Variants in SYT12 observed in about 807,000 individuals in gnomAD.
The protein encoded by SYT12 is synaptotagmin 12.
In SYT12, 27 loss-of-function variants were observed where a neutral mutation model predicts 39.5. The observed-to-expected ratio is 0.68, with a 90% CI of 0.50 to 0.94. The LOEUF is 0.94. Ranked by LOEUF, SYT12 falls within the 40% of genes least tolerant of loss-of-function variation. SYT12 has a pLI of 0.00. For missense variants in SYT12, 536 were observed against 572.6 expected (o/e 0.94, Z 0.65); for synonymous variants, 233 against 239.7 (o/e 0.97, Z 0.26).
intron 1 of SYT12, among the ~76,000 whole-genome samples, chr11:67,008,861 C>G (rs1039717482): frequency 2.6e-5 from 4 of 151,468 alleles, no homozygotes; most frequent in African/African-American, 4.9e-5. Flanking sequence ...TTCTTAACCT[C>G]TCTGTACCTC....
Position 67,013,876 on chromosome 11 carries a change from G to A in SYT12, c.-69+2882G>A, listed in dbSNP as rs574095641. On this transcript the variant is annotated intron_variant, in intron 3 of 10. Coordinates refer to the SYT12 transcript ENST00000393946. ...CTGGAGGCCAGAGCCCAGAATCAAG[G>A]TGTTGGCAGGGCTGGTTCCCTCCAG... is the stretch of plus-strand genomic sequence containing the variant. Among the ~76,000 whole-genome samples, 3 of 152,316 alleles carry A rather than the reference G, an allele frequency of 2.0e-5. No homozygotes were observed. The South Asian group carries it at 6.2e-4, about 32-fold the overall frequency.
intron 3 of SYT12, among the ~76,000 whole-genome samples, chr11:67,017,033 C>T (rs1468979291): frequency 6.6e-6 from 1 of 152,224 alleles, no homozygotes; most frequent in Non-Finnish European, 1.5e-5. Flanking sequence ...CTGCAGCTCT[C>T]ATTTGCTGAT....
intron 6 of SYT12, among the ~76,000 whole-genome samples, chr11:67,045,177 C>T (rs1287369410): frequency 1.3e-5 from 2 of 151,882 alleles, no homozygotes; most frequent in Non-Finnish European, 2.9e-5. Context: ...TGCAGGAGTC[C>T]CCAGTCCCTC....
At chr11:67,035,311 T>G (rs1332444301) in intron 3 of SYT12, among the ~76,000 whole-genome samples, 1 of 150,926 alleles carries the variant, frequency 6.6e-6, no homozygotes, top group Admixed American at 6.6e-5. Context: ...GCTTTTTAAC[T>G]GCTAACGTTT....
In SYT12 at chr11:67,048,916, A is replaced by C; in HGVS notation, c.*159A>C. Reference sequence around the variant, plus strand: ...CTGGTCTCTCTGTCCAGATTGCAGCAGAGGAGTGGGCGTGGCTCTGTGTCC... The same window carrying C: ...CTGGTCTCTCTGTCCAGATTGCAGCCGAGGAGTGGGCGTGGCTCTGTGTCC... On this transcript the variant is annotated 3_prime_UTR_variant, in exon 8 of 8. Coordinates refer to ENST00000527043, the MANE Select transcript of SYT12 (RefSeq NM_177963.4). The C allele has an allele frequency of 1.2e-6, 1 of 842,266 alleles. No individual in the cohort carries two copies. The highest frequency in any genetic ancestry group is 2.7e-5 in the Admixed American group (1 of 37,462). The allele number at this position is 842,266 out of a possible 1,614,324, so 52.2% of individuals were successfully genotyped here.
intron 3 of SYT12, among the ~76,000 whole-genome samples, chr11:67,013,145 G>C (rs1170911323): frequency 6.6e-6 from 1 of 152,188 alleles, no homozygotes; most frequent in African/African-American, 2.4e-5. Context: ...AGCTCAGCCA[G>C]GCAATATGTA....
At chr11:67,008,646 G>A (rs559139584) in intron 1 of SYT12, among the ~76,000 whole-genome samples, 1 of 152,202 alleles carries the variant, frequency 6.6e-6, no homozygotes, top group East Asian at 1.9e-4. Context: ...CACCGCCTGG[G>A]TTCAAGTGAT....
rs977002970 is a variant in SYT12 at position 67,039,533 on chromosome 11, G to A, written c.229-278G>A. Among the ~76,000 whole-genome samples the A allele has an allele frequency of 1.2e-4, 19 of 152,234 alleles. No homozygotes were observed. In the East Asian group the frequency reaches 3.7e-3, roughly 29 times the overall value. Reference sequence around the variant, plus strand: ...GGAGGCTGAGGCAGGAGAATCACTTGAACCCTGGATGCAGAGGTTGCAGTG... The same window carrying A: ...GGAGGCTGAGGCAGGAGAATCACTTAAACCCTGGATGCAGAGGTTGCAGTG... On this transcript the variant is annotated intron_variant, in intron 3 of 7. Transcript: ENST00000527043.
In SYT12 at chr11:67,040,064, A is replaced by C. The variant is rs753868886; in HGVS notation, c.482A>C (p.Glu161Ala). Residue 161 changes from glutamate to alanine, a missense_variant, in exon 4 of 8, where the codon GAG becomes GCG. By Grantham distance (107) the Glu-to-Ala change is moderately radical. Transcript: ENST00000527043. Reference protein sequence around the residue: ...FTLGQVEVSMEYDTASHTLNV... With the variant: ...FTLGQVEVSMAYDTASHTLNV... ...CTGGGCCAGGTGGAGGTGAGCATGG[A>C]GTACGACACTGCCTCCCACACGCTG... The C allele has an allele frequency of 1.4e-5, 22 of 1,613,888 alleles. No individual in the cohort carries two copies. In the Admixed American group the frequency reaches 1.8e-4, roughly 13 times the overall value.
Position 67,034,918 on chromosome 11 carries a change from T to C in SYT12, c.228+80T>C, listed in dbSNP as rs58549436. 73 of 1,118,906 alleles carry C rather than the reference T, an allele frequency of 6.5e-5. 1 individual carries two copies. The East Asian group carries it at 1.5e-3, about 22-fold the overall frequency. The allele number at this position is 1,118,906 out of a possible 1,614,324, so 69.3% of individuals were successfully genotyped here. A position where few individuals can be genotyped will look rare whatever the true frequency, so the allele number is the denominator to read the frequency against. Reference sequence around the variant, plus strand: ...TCCACTCAGATCAGTCTTCAGCCCCTCTCCCTCCGTCACCACCTCCTCCTG... The same window carrying C: ...TCCACTCAGATCAGTCTTCAGCCCCCCTCCCTCCGTCACCACCTCCTCCTG... On this transcript the variant is annotated intron_variant, in intron 3 of 7. Transcript: ENST00000527043.
rs532030329 is a variant in SYT12, at chr11:67,025,257, CAT to C, written c.-24+1798_-24+1799del. The stretch of plus-strand genomic sequence containing the variant: ...CAGGCACAGTGCTAAGCACTTAGCA[CAT>C]GTTATGTCCACATGCATGTAGCAGT... On this transcript the variant is annotated intron_variant, in intron 1 of 7. Transcript: ENST00000527043. Among the ~76,000 whole-genome samples the C allele has an allele frequency of 3.3e-5, 5 of 152,342 alleles. No individual in the cohort carries two copies. The South Asian group carries it at 1.0e-3, about 32-fold the overall frequency.
At chr11:67,006,814 T>A (rs1205205706) in exon 1 of SYT12, 1 of 152,390 alleles carries the variant, frequency 6.6e-6, no homozygotes, top group South Asian at 2.1e-4. Context: ...GAGCTGTGGC[T>A]GGCAGAGAAG....
chr11:67,041,007 A>G (rs1281354995), intron 4 of SYT12, among the ~76,000 whole-genome samples: 1 of 151,866 alleles, frequency 6.6e-6, no homozygotes, highest in African/African-American at 2.4e-5. Context: ...AAAAAAATAA[A>G]ATAAAATAAA....
At chr11:67,016,070 C>G (rs1950056333) in intron 3 of SYT12, among the ~76,000 whole-genome samples, 1 of 152,122 alleles carries the variant, frequency 6.6e-6, no homozygotes. Context: ...CACCTGAGGT[C>G]AGGAGTTCGA....
chr11:67,041,159 G>A (rs937630664), intron 4 of SYT12, among the ~76,000 whole-genome samples: 58 of 152,172 alleles, frequency 3.8e-4, no homozygotes, highest in African/African-American at 1.3e-3. Flanking sequence ...CTGGGTGACA[G>A]AATGAGACCC....
At chr11:67,014,780 C>T (rs1838246591) in intron 3 of SYT12, among the ~76,000 whole-genome samples, 1 of 152,072 alleles carries the variant, frequency 6.6e-6, no homozygotes, top group African/African-American at 2.4e-5. Context: ...GCTGGCTGTC[C>T]GTGGCCCACA....
rs1487249142 is a variant in SYT12 at position 67,044,749 on chromosome 11, G to C, written c.958+36G>C. 1.9e-6 allele frequency: 3 copies of C among 1,610,994 alleles called. No individual in the cohort carries two copies. The South Asian group carries it at 3.3e-5, about 18-fold the overall frequency. ...GCCGGCAGCCCGGCTCCTCCACGTAGCTCAGTGGAAGCTGTGGCCCAGCTG... is the reference window on the plus strand; with the variant it reads ...GCCGGCAGCCCGGCTCCTCCACGTACCTCAGTGGAAGCTGTGGCCCAGCTG... On this transcript the variant is annotated intron_variant, in intron 6 of 7. Coordinates refer to ENST00000527043, the MANE Select transcript of SYT12 (RefSeq NM_177963.4).
At chr11:67,021,331 TTTTG>T (rs368670794), upstream of SYT12, among the ~76,000 whole-genome samples, 3 of 152,188 alleles carry the variant, frequency 2.0e-5, no homozygotes, top group African/African-American at 4.8e-5. Flanking sequence ...TGCTTTTTTT[TTTTG>T]TTTGTTTGAG....
At chr11:67,020,778 G>C (rs1172026204), upstream of SYT12, among the ~76,000 whole-genome samples, 1 of 152,148 alleles carries the variant, frequency 6.6e-6, no homozygotes, top group Non-Finnish European at 1.5e-5. Context: ...GCCCAGGCTG[G>C]AGTGCAGTGG....
Sources: allele counts gnomAD v4.1 joint callset (sites outside exome capture counted in the v4.1 genomes callset), GRCh38; gene constraint gnomAD v4.1.1; transcripts MANE v1.5; gene names NCBI Gene and HGNC (gene_info 2026-07-23, HGNC 2026-07-21).